The following LMO7 variants were observed in gnomAD, a reference collection of about 807,000 sequenced individuals.
LMO7 encodes LIM domain 7.
In LMO7, 120 loss-of-function variants were observed where a neutral mutation model predicts 206.5. That is an observed-to-expected ratio of 0.58 (90% CI 0.50 to 0.68). The LOEUF is 0.68. LMO7 is among the 30% of genes least tolerant of loss of function. The pLI, the probability that LMO7 is intolerant of heterozygous loss-of-function variation, is 0.00. For synonymous variants in LMO7, 706 were observed against 681.5 expected, an observed-to-expected ratio of 1.04 and a Z score of -0.56; for missense variants, 1,959 against 1,957.9, an observed-to-expected ratio of 1.00 and a Z score of -0.01.
intron 1 of LMO7, among the ~76,000 whole-genome samples, chr13:75,643,511 G>A (rs1287049625): frequency 6.6e-6 from 1 of 152,120 alleles, no homozygotes; most frequent in Non-Finnish European, 1.5e-5. Context: ...AAAAAGGTTG[G>A]CCTATTTAAT....
At chr13:75,684,008 A>T (rs924698140) in intron 1 of LMO7, among the ~76,000 whole-genome samples, 1 of 152,110 alleles carries the variant, frequency 6.6e-6, no homozygotes, top group African/African-American at 2.4e-5. Context: ...GGTTGATGTT[A>T]ATGTTGGTCA....
chr13:75,727,975 A>T (rs1594564625), intron 3 of LMO7, among the ~76,000 whole-genome samples: 1 of 152,032 alleles, frequency 6.6e-6, no homozygotes, highest in Non-Finnish European at 1.5e-5. Context: ...TTATGGCTGC[A>T]TAGTATTCCC....
At chr13:75,650,715 C>A (rs1425200679) in intron 1 of LMO7, among the ~76,000 whole-genome samples, 2 of 152,160 alleles carry the variant, frequency 1.3e-5, no homozygotes, top group African/African-American at 4.8e-5. Flanking sequence ...TTCTTCTTTT[C>A]AAATAAATTG....
chr13:75,816,091 G>A (rs879367932), intron 11 of LMO7, among the ~76,000 whole-genome samples: 2 of 152,184 alleles, frequency 1.3e-5, no homozygotes, highest in African/African-American at 2.4e-5. Flanking sequence ...GTCAAAGGAC[G>A]GACTGGTTCC....
Position 75,636,334 on chromosome 13 carries a change from T to A in LMO7, c.-324T>A. On this transcript the variant is annotated 5_prime_UTR_variant, in exon 1 of 31. Coordinates refer to ENST00000377534, the MANE Select transcript of LMO7 (RefSeq NM_001306080.2). The stretch of plus-strand genomic sequence containing the variant: ...GCGCTGCGACTTTTGAAGTCCAAAC[T>A]GTCGTCGGGGCTGGTGCCGCGCGCT... The A allele has an allele frequency of 8.6e-7, 1 of 1,163,112 alleles. No homozygotes were observed. The highest frequency in any genetic ancestry group is 1.1e-6 in the Non-Finnish European group (1 of 941,416). The allele number at this position is 1,163,112 out of a possible 1,614,324, so 72.0% of individuals were successfully genotyped here.
intron 18 of LMO7, among the ~76,000 whole-genome samples, chr13:75,835,732 A>G (rs1390877808): frequency 1.3e-5 from 2 of 152,156 alleles, no homozygotes. Flanking sequence ...GTTGGGTGTA[A>G]TGTAAAACTT....
At chr13:75,634,541 C>T (rs536409209), upstream of LMO7, among the ~76,000 whole-genome samples, 3 of 152,190 alleles carry the variant, frequency 2.0e-5, no homozygotes, top group Admixed American at 6.5e-5. Context: ...GACATCGAGA[C>T]CATCCTGGCT....
At chr13:75,754,951 G>A (rs972965172) in intron 3 of LMO7, among the ~76,000 whole-genome samples, 1 of 152,166 alleles carries the variant, frequency 6.6e-6, no homozygotes, top group African/African-American at 2.4e-5. Flanking sequence ...AATTGTGTTT[G>A]TTGCAAACTC....
chr13:75,717,742 G>A (rs1417396784), intron 2 of LMO7, among the ~76,000 whole-genome samples: 1 of 152,196 alleles, frequency 6.6e-6, no homozygotes, highest in Non-Finnish European at 1.5e-5. Flanking sequence ...CACACATGGA[G>A]TGCCGGTGAC....
At chr13:75,668,034 C>A (rs981315430) in intron 1 of LMO7, among the ~76,000 whole-genome samples, 5 of 152,078 alleles carry the variant, frequency 3.3e-5, no homozygotes, top group Admixed American at 6.5e-5. Flanking sequence ...ATGGTGAAAC[C>A]CTGTCTCTAC....
At chr13:75,718,980 CTTT>C (rs750920790) in intron 2 of LMO7, among the ~76,000 whole-genome samples, 4 of 140,366 alleles carry the variant, frequency 2.8e-5, no homozygotes, top group Non-Finnish European at 3.1e-5. Flanking sequence ...ATGTCTCTCT[CTTT>C]TTTTTTTTTT....
chr13:75,848,946 C>A, intron 26 of LMO7, 133 bp from the exon 27 acceptor site: 2 of 617,684 alleles, frequency 3.2e-6, no homozygotes, highest in Non-Finnish European at 5.7e-6. Flanking sequence ...TTGATTATGG[C>A]CATTCTTGCA....
chr13:75,726,951 T>A lies in LMO7; in HGVS notation c.141-78T>A, dbSNP rs138499595. On this transcript the variant is annotated intron_variant, in intron 2 of 30. Transcript: ENST00000377534. ...ACATTGAGGGGAGGGAATAGTGATA[T>A]ATGTGATTTTTGAGAATGCTAACAA... 8 of 777,986 alleles carry A rather than the reference T, an allele frequency of 1.0e-5. No homozygotes were observed. In the East Asian group the frequency reaches 2.1e-4, roughly 20 times the overall value. The allele number at this position is 777,986 out of a possible 1,614,324, so 48.2% of individuals were successfully genotyped here.
chr13:75,704,143 T>TC (rs2042489004), intron 1 of LMO7, among the ~76,000 whole-genome samples: 2 of 152,210 alleles, frequency 1.3e-5, no homozygotes, highest in South Asian at 4.1e-4. Context: ...ATCCAGCTCC[T>TC]CCTGTATACC....
At chr13:75,624,970 A>G (rs556066537) in intron 2 of LMO7, among the ~76,000 whole-genome samples, 1 of 152,362 alleles carries the variant, frequency 6.6e-6, no homozygotes, top group East Asian at 1.9e-4. Flanking sequence ...GTGAATATCT[A>G]TAGCACAATA....
At chr13:75,735,364 TACACAC>T (rs139581801) in intron 3 of LMO7, among the ~76,000 whole-genome samples, 1 of 150,172 alleles carries the variant, frequency 6.7e-6, no homozygotes, top group Non-Finnish European at 1.5e-5. Context: ...TGTATTTGTA[TACACAC>T]ACACACACAC....
intron 4 of LMO7, among the ~76,000 whole-genome samples, chr13:75,765,371 CTTTT>C (rs77568842): frequency 8.4e-6 from 1 of 118,806 alleles, no homozygotes. Flanking sequence ...ACATCTTCAT[CTTTT>C]TTTTTTTTTT....
chr13:75,859,457 T>G lies in LMO7; in HGVS notation c.*1514T>G, dbSNP rs2061156517. 1 of 152,188 alleles carries G rather than the reference T, an allele frequency of 6.6e-6. No individual in the cohort carries two copies. The highest frequency in any genetic ancestry group is 2.4e-5 in the African/African-American group (1 of 41,442). 9.4% of individuals were successfully genotyped at this position (152,188 alleles called of 1,614,324 possible). Reference sequence around the variant, plus strand: ...GTTCTTAAAATTATTTTTATCTTTTTTCATGGTTGCATAGTGCTCCATTGT... The same window carrying G: ...GTTCTTAAAATTATTTTTATCTTTTGTCATGGTTGCATAGTGCTCCATTGT... On this transcript the variant is annotated 3_prime_UTR_variant, in exon 31 of 31. Transcript: ENST00000377534.
chr13:75,809,145 G>A lies in LMO7; in HGVS notation c.1917-9G>A. 6.2e-7 allele frequency: 1 copy of A among 1,610,204 alleles called. No individual in the cohort carries two copies. Among genetic ancestry groups the A allele is most frequent in the South Asian group, 1.1e-5 (1 of 90,824 alleles). On this transcript the variant is annotated splice_polypyrimidine_tract_variant and intron_variant, in intron 10 of 30. Transcript: ENST00000377534. The stretch of plus-strand genomic sequence containing the variant: ...TGACTTTTTAATTTTTGGTTTTCTG[G>A]TTTCTTAGACTCTTTCAAAAGATTT...
Sources: allele counts gnomAD v4.1 joint callset (sites outside exome capture counted in the v4.1 genomes callset), GRCh38; gene constraint gnomAD v4.1.1; transcripts MANE v1.5; gene names NCBI Gene and HGNC (gene_info 2026-07-23, HGNC 2026-07-21).